Variants in NOS1AP observed in about 807,000 individuals in gnomAD.
The protein encoded by NOS1AP is nitric oxide synthase 1 adaptor protein, also known as carboxyl-terminal PDZ ligand of neuronal nitric oxide synthase protein.
A neutral mutation model predicts 56.2 loss-of-function variants in NOS1AP; 21 were observed. The ratio of observed to expected loss-of-function variants is 0.37; its 90% CI spans 0.26 to 0.54. The LOEUF is 0.54. Among genes scored for constraint, NOS1AP ranks in the 20% least tolerant of loss-of-function variants. The pLI is 0.84. For synonymous variants in NOS1AP, 270 were observed against 274.6 expected (o/e 0.98, Z 0.17); for missense variants, 522 against 657.8 (o/e 0.79, Z 2.26).
chr1:162,233,819 A>G (rs1216590988), intron 2 of NOS1AP, among the ~76,000 whole-genome samples: 5 of 152,226 alleles, frequency 3.3e-5, no homozygotes, highest in African/African-American at 1.2e-4. Context: ...TCTTCTTCCA[A>G]GAAACTCGTA....
intron 1 of NOS1AP, among the ~76,000 whole-genome samples, chr1:162,091,607 TTA>T (rs1692131978): frequency 6.6e-6 from 1 of 152,196 alleles, no homozygotes; most frequent in Admixed American, 6.5e-5. Flanking sequence ...AGATTTTAAG[TTA>T]TTTTTCCCCC....
intron 2 of NOS1AP, among the ~76,000 whole-genome samples, chr1:162,212,426 A>G (rs539820566): frequency 2.0e-5 from 3 of 152,288 alleles, no homozygotes; most frequent in African/African-American, 7.2e-5. Context: ...TCTAGGTTTT[A>G]TGCACCAAAC....
chr1:162,196,828 T>G (rs1392350019), intron 2 of NOS1AP, among the ~76,000 whole-genome samples: 1 of 152,262 alleles, frequency 6.6e-6, no homozygotes, highest in East Asian at 1.9e-4. Context: ...ACTTGGCAGA[T>G]GGTCAGTAAA....
chr1:162,242,739 A>G (rs1240706449), intron 2 of NOS1AP, among the ~76,000 whole-genome samples: 1 of 152,172 alleles, frequency 6.6e-6, no homozygotes, highest in Admixed American at 6.5e-5. Context: ...ATCAGCCTCC[A>G]AGAATTGAAG....
intron 3 of NOS1AP, among the ~76,000 whole-genome samples, chr1:162,291,086 G>A (rs536246712): frequency 4.0e-5 from 6 of 151,388 alleles, no homozygotes; most frequent in Non-Finnish European, 5.9e-5. Context: ...CTATGTTGTT[G>A]TTTCCCAATC....
intron 1 of NOS1AP, among the ~76,000 whole-genome samples, chr1:162,113,953 G>A (rs1024933094): frequency 6.6e-6 from 1 of 152,098 alleles, no homozygotes; most frequent in African/African-American, 2.4e-5. Context: ...TAAAGGCAGT[G>A]TTATTACAGA....
At chr1:162,278,145 G>A (rs1654803269) in intron 2 of NOS1AP, among the ~76,000 whole-genome samples, 1 of 152,134 alleles carries the variant, frequency 6.6e-6, no homozygotes, top group Admixed American at 6.5e-5. Flanking sequence ...CTCACCAAAT[G>A]CCTTCATTTC....
intron 8 of NOS1AP, chr1:162,360,707 T>G: frequency 2.3e-6 from 1 of 426,612 alleles, no homozygotes; most frequent in South Asian, 1.7e-5. Flanking sequence ...ATTTAGCATA[T>G]GTCCCTGTGG....
At chr1:162,364,508 A>G (rs1400103583) in intron 8 of NOS1AP, 2 of 985,320 alleles carry the variant, frequency 2.0e-6, no homozygotes, top group Non-Finnish European at 2.4e-6. Flanking sequence ...TTATCTCCAC[A>G]TAAGTATTGC....
intron 2 of NOS1AP, among the ~76,000 whole-genome samples, chr1:162,158,244 T>A (rs1271052528): frequency 6.6e-6 from 1 of 152,188 alleles, no homozygotes; most frequent in Non-Finnish European, 1.5e-5. Flanking sequence ...CATATAGTAT[T>A]TGTCCTTTTT....
chr1:162,243,190 G>A (rs1038527687), intron 2 of NOS1AP, among the ~76,000 whole-genome samples: 2 of 152,166 alleles, frequency 1.3e-5, no homozygotes, highest in African/African-American at 4.8e-5. Context: ...AAAGGTTATT[G>A]TAGCCGAGAG....
At chr1:162,160,250 G>T (rs1650144645) in intron 2 of NOS1AP, among the ~76,000 whole-genome samples, 1 of 152,180 alleles carries the variant, frequency 6.6e-6, no homozygotes, top group Non-Finnish European at 1.5e-5. Context: ...GGTTTCTCAA[G>T]TGTGGCACTC....
chr1:162,339,948 A>C (rs1389450195), intron 5 of NOS1AP, among the ~76,000 whole-genome samples: 1 of 152,228 alleles, frequency 6.6e-6, no homozygotes, highest in Non-Finnish European at 1.5e-5. Context: ...TTAATGGTGA[A>C]GCAAGGAGAG....
At chr1:162,251,714 C>T (rs1158815811) in intron 2 of NOS1AP, among the ~76,000 whole-genome samples, 1 of 151,360 alleles carries the variant, frequency 6.6e-6, no homozygotes, top group Non-Finnish European at 1.5e-5. Flanking sequence ...GATAGGGTCT[C>T]ACTCACTCTG....
Position 162,367,651 on chromosome 1 carries a change from C to A in NOS1AP, c.*184C>A. 1 of 693,750 alleles carries A rather than the reference C, an allele frequency of 1.4e-6. No homozygotes were observed. The highest frequency in any genetic ancestry group is 2.4e-6 in the Non-Finnish European group (1 of 424,818). The allele number at this position is 693,750 out of a possible 1,614,324, so 43.0% of individuals were successfully genotyped here. A position where few individuals can be genotyped will look rare whatever the true frequency, so the allele number is the denominator to read the frequency against. On this transcript the variant is annotated 3_prime_UTR_variant, in exon 10 of 10. Transcript: ENST00000361897. The surrounding 1 kb of genome is among the most constrained non-coding windows in gnomAD (Gnocchi z 6.5). ...TTGGAGGGTAAAGTGGGGAAGAAATCGGATTCCCAGAGGTGAATCAGCTCC... is the reference window on the plus strand; with the variant it reads ...TTGGAGGGTAAAGTGGGGAAGAAATAGGATTCCCAGAGGTGAATCAGCTCC...
chr1:162,174,771 C>A (rs1202458935), intron 2 of NOS1AP, among the ~76,000 whole-genome samples: 1 of 152,076 alleles, frequency 6.6e-6, no homozygotes, highest in Non-Finnish European at 1.5e-5. Context: ...TTCATATTTC[C>A]TTAGTTTTCC....
chr1:162,113,873 C>T (rs543100251), intron 1 of NOS1AP, among the ~76,000 whole-genome samples: 1 of 152,114 alleles, frequency 6.6e-6, no homozygotes, highest in South Asian at 2.1e-4. Context: ...CAGTAGAGCA[C>T]TTGCCTCTAG....
rs1316374744 is a variant in NOS1AP at position 162,300,630 on chromosome 1, C to T, written c.271-3C>T. ...AGGACAAGCCTAACTTATTCATTTA[C>T]AGCTTCTTTTATTGCAGAAAAAGGA... On this transcript the variant is annotated splice_polypyrimidine_tract_variant and splice_region_variant and intron_variant, in intron 3 of 9. Transcript: ENST00000361897. 1.2e-6 allele frequency: 2 copies of T among 1,613,466 alleles called. No individual in the cohort carries two copies. The highest frequency in any genetic ancestry group is 1.7e-5 in the Admixed American group (1 of 60,032).
intron 1 of NOS1AP, among the ~76,000 whole-genome samples, chr1:162,122,911 G>A (rs1012677912): frequency 3.3e-5 from 5 of 151,978 alleles, no homozygotes; most frequent in East Asian, 1.9e-4. Context: ...TTATGTAAAT[G>A]TAATTATTTG....
Sources: gnomAD v4.1 joint callset for allele counts (sites outside exome capture counted in the v4.1 genomes callset) on GRCh38, gnomAD v4.1.1 for gene constraint, Gnocchi (gnomAD v3.1) non-coding constraint, MANE v1.5 for transcripts, NCBI Gene and HGNC (gene_info 2026-07-23, HGNC 2026-07-21) for gene names.